The following CNTN5 variants were observed in gnomAD, a reference collection of about 807,000 sequenced individuals.
CNTN5 encodes contactin-5.
Under a neutral mutation model 129.1 loss-of-function variants are expected in CNTN5, and 77 were observed. The observed-to-expected ratio is 0.60, with a 90% CI of 0.50 to 0.72. The LOEUF is 0.72. CNTN5 is among the 30% of genes least tolerant of loss of function. The pLI is 0.00. For missense variants in CNTN5, 1,478 were observed against 1,328.8 expected (o/e 1.11, Z -1.75); for synonymous variants, 509 against 465.6 (o/e 1.09, Z -1.20).
At chr11:100,240,244 C>T (rs937199786) in intron 16 of CNTN5, among the ~76,000 whole-genome samples, 9 of 152,064 alleles carry the variant, frequency 5.9e-5, no homozygotes, top group Non-Finnish European at 1.2e-4. Context: ...CCCCGACCCC[C>T]GCCAGGGACT....
At chr11:99,689,530 G>GAAAAAAAAAAA (rs368912453) in intron 3 of CNTN5, among the ~76,000 whole-genome samples, 1 of 92,896 alleles carries the variant, frequency 1.1e-5, no homozygotes, top group Non-Finnish European at 1.9e-5. Context: ...CCTCAAAAAA[G>GAAAAAAAAAAA]AAAAAAAAAA....
At chr11:99,806,809 C>A (rs1240313845) in intron 3 of CNTN5, among the ~76,000 whole-genome samples, 1 of 105,114 alleles carries the variant, frequency 9.5e-6, no homozygotes, top group Non-Finnish European at 1.9e-5. Flanking sequence ...TCTTCCCCCA[C>A]CCCCTGCAAA....
chr11:99,507,414 A>G (rs1467217411), intron 2 of CNTN5, among the ~76,000 whole-genome samples: 1 of 151,582 alleles, frequency 6.6e-6, no homozygotes, highest in Non-Finnish European at 1.5e-5. Flanking sequence ...TTTCAAAACA[A>G]TAGTCATCCC....
chr11:99,838,365 T>G (rs564488858), intron 4 of CNTN5, among the ~76,000 whole-genome samples: 1 of 152,364 alleles, frequency 6.6e-6, no homozygotes, highest in South Asian at 2.1e-4. Context: ...TCACTCTTTG[T>G]AAATGATACT....
intron 2 of CNTN5, among the ~76,000 whole-genome samples, chr11:99,460,134 G>A (rs1014060968): frequency 6.6e-6 from 1 of 151,654 alleles, no homozygotes; most frequent in African/African-American, 2.4e-5. Context: ...AAAGAATGTC[G>A]TGCTAAACCA....
chr11:100,142,583 A>G lies in CNTN5; in HGVS notation c.1581-48543A>G, dbSNP rs138118825. On this transcript the variant is annotated intron_variant, in intron 13 of 24. Transcript: ENST00000524871. ...CAACATAATTTATTCAGTGTCTCCA[A>G]GCGGTTACTGTATCAAGTAACCTTT... 1.2e-4 allele frequency among the ~76,000 whole-genome samples: 18 copies of G among 152,310 alleles called. No individual in the cohort carries two copies. In the East Asian group the frequency reaches 3.3e-3, roughly 28 times the overall value.
intron 2 of CNTN5, among the ~76,000 whole-genome samples, chr11:99,550,741 C>T (rs1948454632): frequency 6.6e-6 from 1 of 152,076 alleles, no homozygotes; most frequent in Non-Finnish European, 1.5e-5. Context: ...GAAAATAACT[C>T]AGAATATAGA....
In CNTN5 at chr11:99,292,917, G is replaced by C. The variant is rs1447367026; in HGVS notation, c.-209-32429G>C. Among the ~76,000 whole-genome samples, 4 of 152,238 alleles carry C rather than the reference G, an allele frequency of 2.6e-5. No individual in the cohort carries two copies. In the East Asian group the frequency reaches 7.7e-4, roughly 29 times the overall value. ...TTATCTTTTAACTATTAAAGCATAA[G>C]GTTATTCATGTATAAGGCTGGCTGC... On this transcript the variant is annotated intron_variant, in intron 1 of 24. Transcript: ENST00000524871.
chr11:100,160,374 T>C (rs1947406502), intron 13 of CNTN5, among the ~76,000 whole-genome samples: 1 of 152,030 alleles, frequency 6.6e-6, no homozygotes, highest in South Asian at 2.1e-4. Flanking sequence ...AGTGCTGCAA[T>C]AAACATATGT....
intron 3 of CNTN5, among the ~76,000 whole-genome samples, chr11:99,647,917 C>G (rs1035215551): frequency 6.6e-6 from 1 of 151,758 alleles, no homozygotes; most frequent in Non-Finnish European, 1.5e-5. Flanking sequence ...TATCAGTTCC[C>G]AAAGGTTTTT....
chr11:99,273,088 T>A (rs544146436), intron 1 of CNTN5, among the ~76,000 whole-genome samples: 33 of 151,816 alleles, frequency 2.2e-4, no homozygotes, highest in African/African-American at 7.7e-4. Context: ...GCTTAGAGTG[T>A]CACGGAAAGA....
chr11:99,241,427 T>C (rs1861554996), intron 1 of CNTN5, among the ~76,000 whole-genome samples: 1 of 150,518 alleles, frequency 6.6e-6, no homozygotes. Flanking sequence ...GGAACTGATC[T>C]GAAAATATAT....
At chr11:99,693,904 C>T (rs1365711365) in intron 3 of CNTN5, among the ~76,000 whole-genome samples, 1 of 151,870 alleles carries the variant, frequency 6.6e-6, no homozygotes, top group African/African-American at 2.4e-5. Context: ...TAAATATGTG[C>T]ATGTATCTAA....
intron 1 of CNTN5, among the ~76,000 whole-genome samples, chr11:99,186,665 C>T (rs775941819): frequency 2.6e-5 from 4 of 151,842 alleles, no homozygotes; most frequent in Non-Finnish European, 5.9e-5. Context: ...TTTTCAGTAC[C>T]CACATTCTCT....
At chr11:99,307,292 T>C (rs1022054912) in intron 1 of CNTN5, among the ~76,000 whole-genome samples, 3 of 152,310 alleles carry the variant, frequency 2.0e-5, no homozygotes, top group East Asian at 3.9e-4. Flanking sequence ...CACAGTATTT[T>C]TTTTTCTTTT....
At chr11:99,353,504 A>C (rs1208304121) in intron 2 of CNTN5, among the ~76,000 whole-genome samples, 7 of 152,154 alleles carry the variant, frequency 4.6e-5, no homozygotes, top group South Asian at 2.1e-4. Flanking sequence ...TTTACATTGT[A>C]TTTGATAATT....
chr11:99,085,786 CA>C (rs1865981294), intron 1 of CNTN5, among the ~76,000 whole-genome samples: 2 of 152,110 alleles, frequency 1.3e-5, no homozygotes, highest in South Asian at 4.2e-4. Context: ...GGGCCTCATA[CA>C]TATAGGAAGG....
chr11:99,346,123 T>G (rs1444347954), intron 2 of CNTN5, among the ~76,000 whole-genome samples: 4 of 152,168 alleles, frequency 2.6e-5, no homozygotes, highest in Admixed American at 2.6e-4. Context: ...AATTCTATAT[T>G]TGACTTTTTC....
intron 2 of CNTN5, among the ~76,000 whole-genome samples, chr11:99,426,998 G>T (rs1943147951): frequency 6.6e-6 from 1 of 152,108 alleles, no homozygotes; most frequent in African/African-American, 2.4e-5. Flanking sequence ...AATAACAATG[G>T]CATAGAAATT....
Sources: gnomAD v4.1 joint callset for allele counts (sites outside exome capture counted in the v4.1 genomes callset) on GRCh38, gnomAD v4.1.1 for gene constraint, MANE v1.5 for transcripts, NCBI Gene and HGNC (gene_info 2026-07-23, HGNC 2026-07-21) for gene names.